ANKRD62: variants seen among roughly 807,000 people sequenced by gnomAD.
The protein encoded by ANKRD62 is ankyrin repeat domain-containing protein 62.
A neutral mutation model predicts 98.8 loss-of-function variants in ANKRD62; 61 were observed. The observed-to-expected ratio is 0.62, with a 90% CI of 0.50 to 0.76. The LOEUF (loss-of-function observed/expected upper bound fraction) is 0.76. ANKRD62 is among the 30% of genes least tolerant of loss of function. The pLI is 0.00. For missense variants in ANKRD62, 933 were observed against 1,082.9 expected (o/e 0.86, Z 1.94); for synonymous variants, 341 against 367.9 (o/e 0.93, Z 0.84).
the ANKRD62 span, among the ~76,000 whole-genome samples, chr18:12,146,275 A>T: frequency 6.6e-6 from 1 of 152,138 alleles, no homozygotes; most frequent in Non-Finnish European, 1.5e-5. Flanking sequence ...GACATCTTAA[A>T]CCTCACTCTG....
rs1242618448 is a variant in ANKRD62, at chr18:12,103,164, A to T, written c.827A>T (p.Asp276Val). 1 of 1,385,512 alleles carries T rather than the reference A, an allele frequency of 7.2e-7. No homozygotes were observed. The highest frequency in any genetic ancestry group is 9.4e-7 in the Non-Finnish European group (1 of 1,060,558). The allele number at this position is 1,385,512 out of a possible 1,614,324, so 85.8% of individuals were successfully genotyped here. Residue 276 changes from aspartate (D) to valine (V), a missense_variant, in exon 7 of 14, where the codon GAC (aspartate) becomes GTC (valine). Physicochemically the swap from Asp to Val is radical, Grantham distance 152. Transcript: ENST00000587848. The stretch of plus-strand genomic sequence containing the variant: ...TATATGGATTTGTGAGCAGAACAAG[A>T]CTTAGAAATGACATCAGAGGGAGAG... ...KSLQNSNSEQDLEMTSEGEQE... is the reference protein window; with the variant it reads ...KSLQNSNSEQVLEMTSEGEQE...
intron 10 of ANKRD62, among the ~76,000 whole-genome samples, chr18:12,121,893 C>T (rs9962929): frequency 0.29 from 43,830 of 152,126 alleles, 7,269 homozygotes; most frequent in Middle Eastern, 0.39. Flanking sequence ...AGCTCCAGCA[C>T]GTGCCGCAGA....
intron 7 of ANKRD62, among the ~76,000 whole-genome samples, chr18:12,105,388 A>G (rs1275972407): frequency 1.3e-5 from 2 of 152,246 alleles, no homozygotes; most frequent in African/African-American, 4.8e-5. Context: ...ACAAAGACTT[A>G]AGAATGAGGC....
chr18:12,125,331 C>A, intron 12 of ANKRD62, 129 bp from the exon 13 acceptor site: 1 of 882,158 alleles, frequency 1.1e-6, no homozygotes, highest in Non-Finnish European at 1.5e-6. Context: ...TTTTTTTTTC[C>A]AGTTGGATAT....
chr18:12,156,636 A>G, the ANKRD62 span, among the ~76,000 whole-genome samples: 1 of 152,170 alleles, frequency 6.6e-6, no homozygotes, highest in East Asian at 1.9e-4. Flanking sequence ...TGTGTGTTCT[A>G]AGCTGTGAGG....
chr18:12,152,453 T>G, the ANKRD62 span, among the ~76,000 whole-genome samples: 5 of 152,194 alleles, frequency 3.3e-5, no homozygotes, highest in African/African-American at 1.2e-4. Flanking sequence ...ATAAATGTGA[T>G]TAATCACATA....
At chr18:12,169,062 G>A in the ANKRD62 span, among the ~76,000 whole-genome samples, 2,559 of 152,132 alleles carry the variant, frequency 0.017, 75 homozygotes, top group African/African-American at 0.059. Flanking sequence ...CTAAGTATAC[G>A]ATCATGTCAT....
At chr18:12,178,099 C>T in the ANKRD62 span, among the ~76,000 whole-genome samples, 1 of 150,156 alleles carries the variant, frequency 6.7e-6, no homozygotes, top group South Asian at 2.1e-4. Context: ...TTAGAACGGG[C>T]ATGAAAGTCC....
At position 12,093,995 on chromosome 18, in the gene ANKRD62, G is replaced by C. The variant is rs770918883; in HGVS notation, c.-23G>C. On this transcript the variant is annotated 5_prime_UTR_variant, in exon 1 of 14. Coordinates refer to ENST00000587848, the MANE Select transcript of ANKRD62 (RefSeq NM_001277333.2). ...GTGTCTTAAAGCCGTTCCTCAGCCT[G>C]GGAGAAGATCTCTGGCTTCAGGATG... The C allele has an allele frequency of 6.5e-7, 1 of 1,533,926 alleles. No individual in the cohort carries two copies. The highest frequency in any genetic ancestry group is 1.9e-4 in the Middle Eastern group (1 of 5,240).
At chr18:12,170,960 T>G in the ANKRD62 span, among the ~76,000 whole-genome samples, 2 of 16,830 alleles carry the variant, frequency 1.2e-4, no homozygotes, top group African/African-American at 4.2e-3. Flanking sequence ...AACCCCTGCT[T>G]TTTTTTTTTT....
the ANKRD62 span, among the ~76,000 whole-genome samples, chr18:12,152,760 C>T: frequency 5.5e-4 from 83 of 152,214 alleles, no homozygotes; most frequent in African/African-American, 1.9e-3. Flanking sequence ...TAAAGGGCAT[C>T]CAAACAGGAA....
At chr18:12,105,769 C>T (rs1909400846) in intron 7 of ANKRD62, among the ~76,000 whole-genome samples, 1 of 152,152 alleles carries the variant, frequency 6.6e-6, no homozygotes, top group South Asian at 2.1e-4. Flanking sequence ...ATCTTCATTA[C>T]TTGATCAACC....
At chr18:12,167,887 A>T in the ANKRD62 span, among the ~76,000 whole-genome samples, 1 of 152,150 alleles carries the variant, frequency 6.6e-6, no homozygotes, top group Admixed American at 6.5e-5. Context: ...GCCAGTCATG[A>T]TGAGCATTTT....
chr18:12,102,947 G>A (rs1360503379), intron 6 of ANKRD62, among the ~76,000 whole-genome samples: 2 of 152,176 alleles, frequency 1.3e-5, no homozygotes, highest in African/African-American at 4.8e-5. Context: ...TGAATCTGGT[G>A]ACATCTGGTG....
At chr18:12,102,887 G>T (rs1909335828) in intron 6 of ANKRD62, 1 of 604,774 alleles carries the variant, frequency 1.7e-6, no homozygotes. Flanking sequence ...CATTTATATT[G>T]TTGGGTGGAT....
the ANKRD62 span, among the ~76,000 whole-genome samples, chr18:12,136,987 T>C: frequency 1.3e-5 from 2 of 152,154 alleles, no homozygotes; most frequent in African/African-American, 4.8e-5. Context: ...AATCATGTCA[T>C]CTGCAAACAG....
chr18:12,116,514 C>CT (rs1437457353), intron 10 of ANKRD62, among the ~76,000 whole-genome samples: 2 of 152,086 alleles, frequency 1.3e-5, no homozygotes, highest in Admixed American at 1.3e-4. Context: ...GACTTGGGTC[C>CT]TATCGCCAAG....
chr18:12,179,659 T>G, the ANKRD62 span, among the ~76,000 whole-genome samples: 1 of 151,292 alleles, frequency 6.6e-6, no homozygotes, highest in Non-Finnish European at 1.5e-5. Flanking sequence ...GTCCTTACTT[T>G]AGAAATGTCG....
chr18:12,169,685 T>TA, the ANKRD62 span, among the ~76,000 whole-genome samples: 9 of 152,212 alleles, frequency 5.9e-5, no homozygotes, highest in Admixed American at 5.9e-4. Flanking sequence ...TTTCTATTGA[T>TA]AGGGGTAGTT....
Sources: gnomAD v4.1 joint callset for allele counts (sites outside exome capture counted in the v4.1 genomes callset) on GRCh38, gnomAD v4.1.1 for gene constraint, MANE v1.5 for transcripts, NCBI Gene and HGNC (gene_info 2026-07-23, HGNC 2026-07-21) for gene names.